The following NLGN1 variants were observed in gnomAD, a reference collection of about 807,000 sequenced individuals.
NLGN1 encodes neuroligin-1.
NLGN1 carries 12 observed loss-of-function variants against 65.5 expected under a neutral mutation model. The observed-to-expected ratio is 0.18, with a 90% CI of 0.12 to 0.30. The LOEUF is 0.30. Ranked by LOEUF, NLGN1 falls within the 10% of genes least tolerant of loss-of-function variation. The pLI is 1.00. For synonymous variants in NLGN1, 350 were observed against 359.5 expected (o/e 0.97, Z 0.30); for missense variants, 750 against 1,007.1 (o/e 0.74, Z 3.46).
intron 3 of NLGN1, among the ~76,000 whole-genome samples, chr3:173,663,922 AGTAC>A (rs1309462313): frequency 6.6e-6 from 1 of 151,118 alleles, no homozygotes; most frequent in Non-Finnish European, 1.5e-5. Flanking sequence ...GATGAGTAGG[AGTAC>A]ATTGTTTGAA....
intron 3 of NLGN1, among the ~76,000 whole-genome samples, chr3:173,726,629 C>T (rs1211164315): frequency 6.6e-6 from 1 of 152,066 alleles, no homozygotes; most frequent in East Asian, 1.9e-4. Context: ...TAAACCTTGT[C>T]AACAGCAAGC....
At chr3:173,654,622 T>C (rs954931960) in intron 3 of NLGN1, among the ~76,000 whole-genome samples, 1 of 152,180 alleles carries the variant, frequency 6.6e-6, no homozygotes, top group Non-Finnish European at 1.5e-5. Flanking sequence ...GTGATTGATA[T>C]ATATGTTTAA....
intron 1 of NLGN1, among the ~76,000 whole-genome samples, chr3:173,429,014 C>T (rs1716685938): frequency 6.6e-6 from 1 of 151,902 alleles, no homozygotes; most frequent in African/African-American, 2.4e-5. Context: ...TGATCTTTGA[C>T]CTTTTAGTAT....
intron 4 of NLGN1, among the ~76,000 whole-genome samples, chr3:174,059,152 A>G (rs1223297095): frequency 9.2e-5 from 14 of 152,116 alleles, no homozygotes; most frequent in Admixed American, 7.2e-4. Context: ...GCTGCCAGCC[A>G]TCATACTGCT....
chr3:173,592,711 G>T (rs776100268), intron 2 of NLGN1, among the ~76,000 whole-genome samples: 1 of 152,078 alleles, frequency 6.6e-6, no homozygotes, highest in Non-Finnish European at 1.5e-5. Context: ...ATTTTCTGAG[G>T]ACTTACAATG....
At chr3:173,524,112 G>C (rs1426905305) in intron 2 of NLGN1, among the ~76,000 whole-genome samples, 1 of 150,598 alleles carries the variant, frequency 6.6e-6, no homozygotes, top group Non-Finnish European at 1.5e-5. Flanking sequence ...ATGTTTAGTA[G>C]ACACGGGGTT....
Position 173,408,097 on chromosome 3 carries a change from G to A in NLGN1, c.-390+9610G>A, listed in dbSNP as rs1293129544. The stretch of plus-strand genomic sequence containing the variant: ...TTTGTTTTTTTTGAGACAGAGTCTC[G>A]CTCTGTTGCCCAGGCTGGAGTGCAG... On this transcript the variant is annotated intron_variant, in intron 1 of 6. Transcript: ENST00000457714. 3.9e-5 allele frequency among the ~76,000 whole-genome samples: 6 copies of A among 152,116 alleles called. No homozygotes were observed. The East Asian group carries it at 7.7e-4, about 20-fold the overall frequency.
chr3:173,785,403 G>A (rs1481913250), intron 3 of NLGN1, among the ~76,000 whole-genome samples: 1 of 152,048 alleles, frequency 6.6e-6, no homozygotes, highest in East Asian at 1.9e-4. Flanking sequence ...ATAAATCACT[G>A]CAGGTTGGGT....
chr3:173,426,623 C>CATTT (rs3030741), intron 1 of NLGN1, among the ~76,000 whole-genome samples: 27,289 of 151,594 alleles, frequency 0.18, 2,574 homozygotes, highest in Middle Eastern at 0.3. Context: ...TGCTATAGCA[C>CATTT]ATTTATTTAT....
At chr3:174,035,375 C>T (rs1270886630) in intron 4 of NLGN1, among the ~76,000 whole-genome samples, 2 of 152,144 alleles carry the variant, frequency 1.3e-5, no homozygotes, top group African/African-American at 2.4e-5. Flanking sequence ...ACTGCTGACA[C>T]TGTTGCTGCT....
At chr3:173,442,616 T>C (rs1719413843) in intron 2 of NLGN1, among the ~76,000 whole-genome samples, 1 of 152,210 alleles carries the variant, frequency 6.6e-6, no homozygotes, top group Non-Finnish European at 1.5e-5. Flanking sequence ...CAGTAATTAT[T>C]GAGTCTTAAT....
intron 4 of NLGN1, among the ~76,000 whole-genome samples, chr3:174,194,708 A>C: frequency 6.6e-6 from 1 of 150,784 alleles, no homozygotes; most frequent in Non-Finnish European, 1.5e-5. Flanking sequence ...ATATATATAG[A>C]CATAGATAGT....
intron 4 of NLGN1, among the ~76,000 whole-genome samples, chr3:174,181,471 T>A (rs1226711964): frequency 6.6e-6 from 1 of 152,148 alleles, no homozygotes. Context: ...TACTTCATGC[T>A]CTCTCAATCC....
At chr3:174,099,803 T>C (rs1038045032) in intron 4 of NLGN1, among the ~76,000 whole-genome samples, 4 of 152,158 alleles carry the variant, frequency 2.6e-5, no homozygotes, top group Non-Finnish European at 5.9e-5. Flanking sequence ...TGTTAGTTAA[T>C]TCTTATATCT....
At chr3:173,672,710 G>C (rs59622163) in intron 3 of NLGN1, among the ~76,000 whole-genome samples, 2,973 of 152,140 alleles carry the variant, frequency 0.02, 105 homozygotes, top group African/African-American at 0.066. Flanking sequence ...TTTCAACTTA[G>C]GTTACCTCAT....
At chr3:174,078,567 A>C (rs1023264917) in intron 4 of NLGN1, among the ~76,000 whole-genome samples, 1 of 152,180 alleles carries the variant, frequency 6.6e-6, no homozygotes, top group Admixed American at 6.5e-5. Context: ...ACCTAATGGA[A>C]GGGTTTTACT....
At chr3:174,293,008 T>G in the NLGN1 span, among the ~76,000 whole-genome samples, 1 of 151,496 alleles carries the variant, frequency 6.6e-6, no homozygotes, top group African/African-American at 2.4e-5. Context: ...TTTAATTTTC[T>G]TGTATCCTCA....
intron 3 of NLGN1, among the ~76,000 whole-genome samples, chr3:173,754,112 T>A (rs1476054888): frequency 6.6e-6 from 1 of 150,490 alleles, no homozygotes; most frequent in Non-Finnish European, 1.5e-5. Context: ...AGTGGCATGA[T>A]CACAGCTCTT....
chr3:174,242,715 T>C (rs1743117959), intron 4 of NLGN1, among the ~76,000 whole-genome samples: 1 of 152,128 alleles, frequency 6.6e-6, no homozygotes, highest in African/African-American at 2.4e-5. Flanking sequence ...TATGGTGAAT[T>C]ATATAATTAT....
Sources: gnomAD v4.1 joint callset for allele counts (sites outside exome capture counted in the v4.1 genomes callset) on GRCh38, gnomAD v4.1.1 for gene constraint, MANE v1.5 for transcripts, NCBI Gene and HGNC (gene_info 2026-07-23, HGNC 2026-07-21) for gene names.